NEK1: variants seen among roughly 807,000 people sequenced by gnomAD.
NEK1 encodes NIMA related kinase 1, also known as serine/threonine-protein kinase Nek1.
A neutral mutation model predicts 182.1 loss-of-function variants in NEK1; 137 were observed. That is an observed-to-expected ratio of 0.75 (90% CI 0.65 to 0.87). The LOEUF (loss-of-function observed/expected upper bound fraction) is 0.87. Among genes scored for constraint, NEK1 ranks in the 40% least tolerant of loss-of-function variants. The pLI, the probability that NEK1 is intolerant of heterozygous loss-of-function variation, is 0.00. For synonymous variants in NEK1, 513 were observed against 492.2 expected (o/e 1.04, Z -0.56); for missense variants, 1,391 against 1,494.4 (o/e 0.93, Z 1.14).
At chr4:169,445,222 C>T (rs558587423) in intron 27 of NEK1, among the ~76,000 whole-genome samples, 3 of 152,040 alleles carry the variant, frequency 2.0e-5, no homozygotes, top group East Asian at 1.9e-4. Flanking sequence ...AGTTAGAGAT[C>T]GGCCTGGGCA....
chr4:169,480,936 C>T (rs1251909895), intron 23 of NEK1, among the ~76,000 whole-genome samples: 2 of 152,156 alleles, frequency 1.3e-5, no homozygotes, highest in Non-Finnish European at 2.9e-5. Flanking sequence ...AGTAGAACTT[C>T]TTTCAAAACT....
At chr4:169,570,645 C>G (rs1321992603) in intron 12 of NEK1, among the ~76,000 whole-genome samples, 1 of 152,196 alleles carries the variant, frequency 6.6e-6, no homozygotes, top group Non-Finnish European at 1.5e-5. Flanking sequence ...TGAGGAGCCC[C>G]TCTGCCCGGC....
chr4:169,604,753 G>T (rs943731640), intron 2 of NEK1, among the ~76,000 whole-genome samples: 2 of 152,204 alleles, frequency 1.3e-5, no homozygotes, highest in Admixed American at 1.3e-4. Context: ...GCCTGTGGTA[G>T]CACTGATGAG....
chr4:169,469,323 T>C (rs1745503506), intron 26 of NEK1, among the ~76,000 whole-genome samples: 1 of 152,210 alleles, frequency 6.6e-6, no homozygotes, highest in Non-Finnish European at 1.5e-5. Flanking sequence ...AGTGTGTCTT[T>C]ATTCTCATTG....
At chr4:169,591,926 G>A (rs1262796020) in intron 5 of NEK1, among the ~76,000 whole-genome samples, 6 of 151,764 alleles carry the variant, frequency 4.0e-5, no homozygotes, top group African/African-American at 1.5e-4. Context: ...AAATCACTGA[G>A]AAAAGTACTG....
intron 19 of NEK1, among the ~76,000 whole-genome samples, chr4:169,510,676 A>G (rs889908512): frequency 2.0e-5 from 3 of 152,158 alleles, no homozygotes; most frequent in Non-Finnish European, 2.9e-5. Context: ...TTATCTTCAG[A>G]CTTTAATTCA....
chr4:169,485,739 G>A (rs146048346), intron 23 of NEK1, among the ~76,000 whole-genome samples: 8 of 152,122 alleles, frequency 5.3e-5, no homozygotes, highest in African/African-American at 1.7e-4. Flanking sequence ...TTTTTCACTG[G>A]GTGCAATGGC....
intron 27 of NEK1, among the ~76,000 whole-genome samples, chr4:169,444,529 CATA>C (rs372133078): frequency 4.0e-4 from 61 of 152,132 alleles, no homozygotes; most frequent in African/African-American, 1.4e-3. Flanking sequence ...AAGGTCATTA[CATA>C]ATGATGAAGG....
At chr4:169,512,515 T>C (rs927886621) in intron 19 of NEK1, among the ~76,000 whole-genome samples, 1 of 152,256 alleles carries the variant, frequency 6.6e-6, no homozygotes, top group African/African-American at 2.4e-5. Flanking sequence ...ATAAGCCTTT[T>C]GTTGGATAAG....
intron 24 of NEK1, chr4:169,478,513 C>A (rs182312875): frequency 3.9e-5 from 6 of 152,084 alleles, no homozygotes; most frequent in African/African-American, 1.4e-4. Context: ...AGTGACTAAG[C>A]CTACTTGAAG....
At chr4:169,461,559 G>GT (rs1435292301) in intron 27 of NEK1, among the ~76,000 whole-genome samples, 2 of 152,088 alleles carry the variant, frequency 1.3e-5, no homozygotes, top group African/African-American at 4.8e-5. Context: ...AAAAACATCT[G>GT]TAACACAGAT....
chr4:169,547,466 T>G (rs139887337), intron 18 of NEK1, among the ~76,000 whole-genome samples: 170 of 152,254 alleles, frequency 1.1e-3, no homozygotes, highest in Non-Finnish European at 1.4e-3. Context: ...GTTGCTGATC[T>G]CGAGGAGTAT....
chr4:169,439,851 T>C (rs1286077502), intron 27 of NEK1, among the ~76,000 whole-genome samples: 1 of 147,830 alleles, frequency 6.8e-6, no homozygotes, highest in Non-Finnish European at 1.5e-5. Flanking sequence ...GTATCTTTTT[T>C]TTTTTTTTTT....
rs1450209731 is a variant in NEK1 at position 169,400,267 on chromosome 4, T to C, written c.3805A>G (p.Lys1269Glu). 5.1e-6 allele frequency: 8 copies of C among 1,575,390 alleles called. No homozygotes were observed. The highest frequency in any genetic ancestry group is 6.9e-6 in the Non-Finnish European group (8 of 1,157,860). The change falls in exon 35 of 36, where the codon AAG becomes GAG. Residue 1269 changes from lysine to glutamate, a missense_variant. Transcript: ENST00000507142. Reference protein sequence around the residue: ...LGNEHQHLYAKILHLVMADGA... With the variant: ...LGNEHQHLYAEILHLVMADGA... ...TCTGCCATGACTAAATGAAGAATCT[T>C]GGCATAAAGATGCTGATGTTCATTT...
intron 19 of NEK1, among the ~76,000 whole-genome samples, chr4:169,521,550 G>T (rs1756053811): frequency 6.6e-6 from 1 of 152,228 alleles, no homozygotes; most frequent in African/African-American, 2.4e-5. Flanking sequence ...ACTTCTTAGT[G>T]CATGATTCTT....
At chr4:169,478,352 C>A (rs1294230112) in intron 24 of NEK1, 1 of 151,928 alleles carries the variant, frequency 6.6e-6, no homozygotes, top group African/African-American at 2.4e-5. Context: ...GAACATTTTA[C>A]CCAGTAAAGT....
At chr4:169,427,348 G>T (rs553947777) in intron 29 of NEK1, among the ~76,000 whole-genome samples, 1 of 151,948 alleles carries the variant, frequency 6.6e-6, no homozygotes, top group Non-Finnish European at 1.5e-5. Flanking sequence ...GGATGGTCTC[G>T]ATCTCCTGAC....
chr4:169,445,157 T>C (rs1740263781), intron 27 of NEK1, among the ~76,000 whole-genome samples: 1 of 151,704 alleles, frequency 6.6e-6, no homozygotes. Flanking sequence ...CAGAAGCTCA[T>C]GGCTGTAATT....
At chr4:169,445,865 T>TATATATATATATATATATACAC (rs569539235) in intron 27 of NEK1, among the ~76,000 whole-genome samples, 1 of 143,278 alleles carries the variant, frequency 7.0e-6, no homozygotes, top group African/African-American at 2.8e-5. Context: ...TATATATATA[T>TATATATATATATATATATACAC]ACACACACAC....
Sources: allele counts gnomAD v4.1 joint callset (sites outside exome capture counted in the v4.1 genomes callset), GRCh38; gene constraint gnomAD v4.1.1; transcripts MANE v1.5; gene names NCBI Gene and HGNC (gene_info 2026-07-23, HGNC 2026-07-21).